Variants in SELENOF observed in about 807,000 individuals in gnomAD.
SELENOF encodes 15 kDa selenoprotein.
SELENOF carries 16 observed loss-of-function variants against 20.5 expected under a neutral mutation model. The ratio of observed to expected loss-of-function variants is 0.78; its 90% CI spans 0.53 to 1.19. The LOEUF is 1.19. Among genes scored for constraint, SELENOF ranks in the 50% most tolerant of loss-of-function variants. The probability of loss-of-function intolerance (pLI) is 0.00; values close to 1 mark genes in which losing one functional copy is unlikely to be tolerated. For missense variants in SELENOF, 215 were observed against 194.2 expected, an observed-to-expected ratio of 1.11 and a Z score of -0.64; for synonymous variants, 78 against 74.5, an observed-to-expected ratio of 1.05 and a Z score of -0.24.
At chr1:86,871,662 C>T (rs529718490) in intron 3 of SELENOF, among the ~76,000 whole-genome samples, 15 of 152,168 alleles carry the variant, frequency 9.9e-5, no homozygotes, top group Non-Finnish European at 1.5e-4. Context: ...ATTACTAAAC[C>T]TACCACTGTA....
intron 2 of SELENOF, among the ~76,000 whole-genome samples, chr1:86,882,422 T>A (rs1659101199): frequency 6.6e-6 from 1 of 151,176 alleles, no homozygotes; most frequent in Admixed American, 6.6e-5. Flanking sequence ...TGGTCAATAT[T>A]ACTAGAGATT....
At chr1:86,880,758 G>C (rs1369697658) in intron 2 of SELENOF, 33 bp from the exon 3 acceptor site, 2 of 1,325,060 alleles carry the variant, frequency 1.5e-6, no homozygotes, top group African/African-American at 3.0e-5. Flanking sequence ...TTAAAAAACT[G>C]GTATAAATTA....
At chr1:86,894,062 A>G (rs144304769) in intron 2 of SELENOF, among the ~76,000 whole-genome samples, 54 of 152,336 alleles carry the variant, frequency 3.5e-4, no homozygotes, top group Middle Eastern at 3.4e-3. Flanking sequence ...TATTTGCCAG[A>G]AAAAGTAATG....
At chr1:86,907,348 A>G (rs372134205) in intron 1 of SELENOF, among the ~76,000 whole-genome samples, 49 of 152,356 alleles carry the variant, frequency 3.2e-4, no homozygotes, top group East Asian at 2.3e-3. Context: ...GGGATAAAAG[A>G]TAAGTATAGG....
chr1:86,863,714 G>C (rs989726731), intron 4 of SELENOF, 109 bp from the exon 5 acceptor site: 2 of 931,128 alleles, frequency 2.1e-6, no homozygotes, highest in South Asian at 2.2e-5. Context: ...TTAAAAAAAG[G>C]CTTTTAGACA....
chr1:86,904,390 T>C (rs1659778830), intron 1 of SELENOF, among the ~76,000 whole-genome samples: 1 of 152,208 alleles, frequency 6.6e-6, no homozygotes, highest in South Asian at 2.1e-4. Flanking sequence ...ATCGTTACAT[T>C]AAATCAGAGA....
intron 2 of SELENOF, among the ~76,000 whole-genome samples, chr1:86,890,742 G>A (rs751586571): frequency 1.3e-5 from 2 of 151,696 alleles, no homozygotes; most frequent in Non-Finnish European, 1.5e-5. Context: ...CTGGCCTCAA[G>A]TGATCCTCTC....
intron 2 of SELENOF, among the ~76,000 whole-genome samples, chr1:86,898,581 T>TC (rs899824251): frequency 1.4e-5 from 1 of 72,044 alleles, no homozygotes; most frequent in African/African-American, 1.1e-4. Flanking sequence ...TCTCTTCTTC[T>TC]TTTTTTTTTT....
At chr1:86,891,145 G>C (rs1241225791) in intron 2 of SELENOF, among the ~76,000 whole-genome samples, 1 of 151,636 alleles carries the variant, frequency 6.6e-6, no homozygotes, top group African/African-American at 2.4e-5. Context: ...TACCCCCTGG[G>C]TTCAAGCGAT....
upstream of SELENOF, chr1:86,914,135 A>G (rs1660073246): frequency 1.9e-6 from 3 of 1,610,924 alleles, no homozygotes; most frequent in Non-Finnish European, 1.7e-6. Context: ...CTGGCTGCCT[A>G]GAAGGACCCC....
intron 1 of SELENOF, among the ~76,000 whole-genome samples, chr1:86,907,950 C>T (rs544431181): frequency 9.5e-4 from 143 of 151,274 alleles, no homozygotes; most frequent in African/African-American, 3.3e-3. Flanking sequence ...TGCACCATTG[C>T]ACTCCAGCCT....
At chr1:86,913,662 T>C (rs557315130) in intron 1 of SELENOF, 14 of 205,640 alleles carry the variant, frequency 6.8e-5, no homozygotes, top group Non-Finnish European at 1.0e-4. Flanking sequence ...CCTCTAAGAG[T>C]TGGAAGTCTC....
At chr1:86,887,043 C>A in intron 2 of SELENOF, 1 of 1,187,906 alleles carries the variant, frequency 8.4e-7, no homozygotes, top group Non-Finnish European at 1.1e-6. Flanking sequence ...AGCGAATTCT[C>A]AGGGAAAATA....
At chr1:86,867,708 C>T (rs1042392474) in intron 4 of SELENOF, among the ~76,000 whole-genome samples, 1 of 139,954 alleles carries the variant, frequency 7.1e-6, no homozygotes, top group Non-Finnish European at 1.5e-5. Context: ...CTAATGCGAA[C>T]TATTAAATTT....
intron 2 of SELENOF, among the ~76,000 whole-genome samples, chr1:86,899,353 T>C (rs1659610949): frequency 7.9e-6 from 1 of 127,156 alleles, no homozygotes; most frequent in South Asian, 2.4e-4. Context: ...CACTTCCCAG[T>C]AGGGGCGGCC....
At chr1:86,870,363 T>C (rs1218549615) in intron 3 of SELENOF, among the ~76,000 whole-genome samples, 1 of 152,210 alleles carries the variant, frequency 6.6e-6, no homozygotes, top group Non-Finnish European at 1.5e-5. Context: ...CTTTATCCTT[T>C]AGGATTTTTC....
chr1:86,871,416 C>T (rs1658765786), intron 3 of SELENOF, among the ~76,000 whole-genome samples: 2 of 152,128 alleles, frequency 1.3e-5, no homozygotes, highest in Admixed American at 6.5e-5. Flanking sequence ...CTTCTTTTGA[C>T]ATAATACTAA....
chr1:86,892,067 A>T (rs1285605505), intron 2 of SELENOF, among the ~76,000 whole-genome samples: 1 of 151,902 alleles, frequency 6.6e-6, no homozygotes, highest in Non-Finnish European at 1.5e-5. Flanking sequence ...AGTAGCTGAG[A>T]TTACAGGAGC....
intron 3 of SELENOF, among the ~76,000 whole-genome samples, chr1:86,879,005 T>C (rs1658993778): frequency 6.6e-6 from 1 of 152,184 alleles, no homozygotes; most frequent in Admixed American, 6.5e-5. Flanking sequence ...GACAGTATGA[T>C]ATATATACCC....
Sources: gnomAD v4.1 joint callset for allele counts (sites outside exome capture counted in the v4.1 genomes callset) on GRCh38, gnomAD v4.1.1 for gene constraint, MANE v1.5 for transcripts, NCBI Gene and HGNC (gene_info 2026-07-23, HGNC 2026-07-21) for gene names.